Variants in CAMKMT observed in about 807,000 individuals in gnomAD.
CAMKMT encodes calmodulin-lysine N-methyltransferase, also known as CaM KMT.
In CAMKMT, 53 loss-of-function variants were observed where a neutral mutation model predicts 48.0. The ratio of observed to expected loss-of-function variants is 1.10; its 90% confidence interval spans 0.89 to 1.39. The LOEUF is 1.39. Ranked by LOEUF, CAMKMT falls within the 40% of genes most tolerant of loss-of-function variation. The probability of loss-of-function intolerance (pLI) is 0.00; values close to 1 mark genes in which losing one functional copy is unlikely to be tolerated. For missense variants in CAMKMT, 428 were observed against 402.7 expected, an observed-to-expected ratio of 1.06 and a Z score of -0.54; for synonymous variants, 165 against 152.3, an observed-to-expected ratio of 1.08 and a Z score of -0.61.
At chr2:44,654,951 T>C (rs72867782) in intron 3 of CAMKMT, among the ~76,000 whole-genome samples, 3,109 of 152,332 alleles carry the variant, frequency 0.02, 84 homozygotes, top group African/African-American at 0.065. Flanking sequence ...AACTAACCCC[T>C]TGCATTTGGA....
chr2:44,522,507 A>G (rs1403250312), intron 3 of CAMKMT, among the ~76,000 whole-genome samples: 1 of 152,194 alleles, frequency 6.6e-6, no homozygotes, highest in African/African-American at 2.4e-5. Context: ...CCCTATTGTT[A>G]TCACAGGAGG....
At position 44,559,993 on chromosome 2, in the gene CAMKMT, A is replaced by G. The variant is rs144067287; in HGVS notation, c.377-144290A>G. 7.7e-3 allele frequency among the ~76,000 whole-genome samples: 1,170 copies of G among 152,326 alleles called. 17 individuals carry two copies. The highest frequency in any genetic ancestry group is 0.027 in the African/African-American group (1,107 of 41,568). ...TTGGTTTTTAAACTCATTTTATGCC[A>G]ATCAAAGTCAATTCAAGTTTTTATT... is the stretch of plus-strand genomic sequence containing the variant. On this transcript the variant is annotated intron_variant, in intron 3 of 10. Coordinates refer to ENST00000378494, the MANE Select transcript of CAMKMT (RefSeq NM_024766.5).
intron 3 of CAMKMT, among the ~76,000 whole-genome samples, chr2:44,665,988 A>G (rs943309742): frequency 6.6e-6 from 1 of 152,250 alleles, no homozygotes; most frequent in Non-Finnish European, 1.5e-5. Flanking sequence ...GCGGACTAGG[A>G]AAAACACGGA....
chr2:44,722,799 A>G (rs1469780206), intron 7 of CAMKMT, among the ~76,000 whole-genome samples: 3 of 152,166 alleles, frequency 2.0e-5, no homozygotes, highest in East Asian at 1.9e-4. Context: ...TTTTGCTACT[A>G]TGTAAGTTAA....
intron 3 of CAMKMT, among the ~76,000 whole-genome samples, chr2:44,520,549 G>A (rs1382253733): frequency 1.3e-5 from 2 of 152,132 alleles, no homozygotes; most frequent in African/African-American, 2.4e-5. Context: ...GATGGTCATG[G>A]TACCTGCTCC....
intron 3 of CAMKMT, among the ~76,000 whole-genome samples, chr2:44,622,712 A>C (rs1487004933): frequency 1.3e-5 from 2 of 152,186 alleles, no homozygotes; most frequent in Non-Finnish European, 2.9e-5. Flanking sequence ...GTATATATGT[A>C]ACATATTTTC....
intron 6 of CAMKMT, among the ~76,000 whole-genome samples, chr2:44,710,182 A>C (rs1677805717): frequency 6.6e-6 from 1 of 151,796 alleles, no homozygotes; most frequent in Non-Finnish European, 1.5e-5. Context: ...ATGTGAGGCA[A>C]TGAATGGATT....
intron 2 of CAMKMT, among the ~76,000 whole-genome samples, chr2:44,389,241 A>T (rs1291815024): frequency 1.3e-5 from 2 of 152,088 alleles, no homozygotes; most frequent in Admixed American, 6.6e-5. Flanking sequence ...TAAAGAAACC[A>T]GTCACATTGC....
intron 3 of CAMKMT, among the ~76,000 whole-genome samples, chr2:44,506,693 A>G (rs191185023): frequency 1.2e-4 from 19 of 152,334 alleles, no homozygotes; most frequent in Non-Finnish European, 2.4e-4. Context: ...CATTTCACAT[A>G]GTATAAATAT....
intron 7 of CAMKMT, among the ~76,000 whole-genome samples, chr2:44,726,915 A>T (rs1435121623): frequency 6.6e-6 from 1 of 152,138 alleles, no homozygotes; most frequent in South Asian, 2.1e-4. Context: ...TTTGTTGAAG[A>T]TCAGATGGTT....
chr2:44,397,270 G>A (rs183040772), intron 3 of CAMKMT, among the ~76,000 whole-genome samples: 1 of 152,134 alleles, frequency 6.6e-6, no homozygotes, highest in Non-Finnish European at 1.5e-5. Context: ...TGAGCTTTGG[G>A]AATAGAAAAT....
chr2:44,597,832 G>T (rs779338331), intron 3 of CAMKMT, among the ~76,000 whole-genome samples: 1 of 152,098 alleles, frequency 6.6e-6, no homozygotes, highest in Middle Eastern at 3.2e-3. Flanking sequence ...CACCTCCCTG[G>T]TTCAAGCGAT....
intron 3 of CAMKMT, among the ~76,000 whole-genome samples, chr2:44,474,725 G>T (rs1055880761): frequency 6.6e-6 from 1 of 152,138 alleles, no homozygotes; most frequent in Non-Finnish European, 1.5e-5. Context: ...CACTATGCCA[G>T]ACCAAATGCT....
chr2:44,439,934 A>G (rs1666541639), intron 3 of CAMKMT, among the ~76,000 whole-genome samples: 1 of 152,022 alleles, frequency 6.6e-6, no homozygotes. Flanking sequence ...GAGTTACTGA[A>G]TGAAACCCCT....
intron 3 of CAMKMT, among the ~76,000 whole-genome samples, chr2:44,583,496 C>T (rs1669682300): frequency 6.6e-6 from 1 of 152,252 alleles, no homozygotes; most frequent in South Asian, 2.1e-4. Context: ...ATTTTTTGCA[C>T]TTAAAAATAA....
At chr2:44,402,791 G>C (rs1174136117) in intron 3 of CAMKMT, among the ~76,000 whole-genome samples, 2 of 112,098 alleles carry the variant, frequency 1.8e-5, no homozygotes, top group Non-Finnish European at 3.8e-5. Context: ...TTTCTGTTGA[G>C]TTTTTTATTT....
chr2:44,439,308 C>G (rs562243366), intron 3 of CAMKMT, among the ~76,000 whole-genome samples: 2 of 152,300 alleles, frequency 1.3e-5, no homozygotes, highest in South Asian at 4.1e-4. Flanking sequence ...TTAATCCTCT[C>G]TCTCTCCTAC....
intron 3 of CAMKMT, among the ~76,000 whole-genome samples, chr2:44,630,331 C>T (rs1021132654): frequency 2.6e-5 from 4 of 152,134 alleles, no homozygotes; most frequent in African/African-American, 9.7e-5. Flanking sequence ...AGGACACAGG[C>T]ACGGGGAAGG....
At position 44,362,125 on chromosome 2, in the gene CAMKMT, C is replaced by T. The variant is rs777078703; in HGVS notation, c.118C>T (p.Arg40Trp). The part of the protein sequence containing the change: ...PVVSAPLGAA[R>W]WKLLRQVLKQ... Reference sequence around the variant, plus strand: ...AGTCTCGGCGCCCCTGGGAGCCGCCCGGTGGAAGCTCCTGCGGCAGGTAAG... The same window carrying T: ...AGTCTCGGCGCCCCTGGGAGCCGCCTGGTGGAAGCTCCTGCGGCAGGTAAG... The change falls in exon 1 of 11, where the codon CGG (arginine) becomes TGG (tryptophan). Residue 40 changes from arginine (R) to tryptophan (W), a missense_variant. Transcript: ENST00000378494. 2.0e-6 allele frequency: 3 copies of T among 1,476,258 alleles called. No individual in the cohort carries two copies. Among genetic ancestry groups the T allele is most frequent in the East Asian group, 2.9e-5 (1 of 34,718 alleles). 91.4% of individuals were successfully genotyped at this position (1,476,258 alleles called of 1,614,324 possible).
Sources: allele counts gnomAD v4.1 joint callset (sites outside exome capture counted in the v4.1 genomes callset), GRCh38; gene constraint gnomAD v4.1.1; transcripts MANE v1.5; gene names NCBI Gene and HGNC (gene_info 2026-07-23, HGNC 2026-07-21).